SMYD3: variants seen among roughly 807,000 people sequenced by gnomAD.
The protein encoded by SMYD3 is histone-lysine N-methyltransferase SMYD3.
SMYD3 carries 36 observed loss-of-function variants against 57.7 expected under a neutral mutation model. That is an observed-to-expected ratio of 0.62 (90% confidence interval 0.48 to 0.82). The LOEUF is 0.82. Among genes scored for constraint, SMYD3 ranks in the 40% least tolerant of loss-of-function variants. SMYD3 has a pLI of 0.00. For synonymous variants in SMYD3, 211 were observed against 195.0 expected (o/e 1.08, Z -0.68); for missense variants, 515 against 538.8 (o/e 0.96, Z 0.44).
intron 8 of SMYD3, among the ~76,000 whole-genome samples, chr1:245,892,986 A>G (rs1297153102): frequency 1.3e-5 from 2 of 152,242 alleles, no homozygotes; most frequent in East Asian, 1.9e-4. Flanking sequence ...ATGTCCAACA[A>G]AAGACCTGTG....
intron 5 of SMYD3, among the ~76,000 whole-genome samples, chr1:246,283,607 A>C (rs533309849): frequency 6.6e-6 from 1 of 152,348 alleles, no homozygotes; most frequent in South Asian, 2.1e-4. Flanking sequence ...TAGAGGTCTC[A>C]AAATAACTCA....
At chr1:246,420,601 C>T (rs1395181740) in intron 1 of SMYD3, among the ~76,000 whole-genome samples, 1 of 152,160 alleles carries the variant, frequency 6.6e-6, no homozygotes, top group African/African-American at 2.4e-5. Context: ...AGAAGATAGT[C>T]TTATATTTGG....
intron 1 of SMYD3, among the ~76,000 whole-genome samples, chr1:246,475,187 C>G (rs949482541): frequency 6.6e-6 from 1 of 151,792 alleles, no homozygotes; most frequent in African/African-American, 2.4e-5. Context: ...AAAAAATTAG[C>G]CAGGCATGGT....
intron 4 of SMYD3, 86 bp from the exon 5 acceptor site, chr1:246,327,423 C>G (rs1299597238): frequency 1.8e-6 from 2 of 1,142,182 alleles, no homozygotes; most frequent in Admixed American, 4.9e-5. Flanking sequence ...GCTGTTAAAC[C>G]AGATATTTCC....
chr1:246,435,911 T>G (rs2067364987), intron 1 of SMYD3, among the ~76,000 whole-genome samples: 1 of 152,180 alleles, frequency 6.6e-6, no homozygotes, highest in South Asian at 2.1e-4. Context: ...TTTTGCTACA[T>G]TTCCCTGAAG....
chr1:246,376,603 A>AC (rs1266846055), intron 1 of SMYD3, among the ~76,000 whole-genome samples: 2 of 151,046 alleles, frequency 1.3e-5, no homozygotes, highest in African/African-American at 4.9e-5. Flanking sequence ...AAAAAAAAAA[A>AC]AAAAAAACTA....
In SMYD3 at chr1:245,926,273, C is replaced by T. The variant is rs569939794; in HGVS notation, c.702+1658G>A. On this transcript the variant is annotated intron_variant, in intron 7 of 11. Transcript: ENST00000490107. ...ATGTTTAAATCATAACAAACAGCCT[C>T]GAAGGGCATATAACATTAAGACAAA... 5.9e-5 allele frequency among the ~76,000 whole-genome samples: 9 copies of T among 152,264 alleles called. No individual in the cohort carries two copies. In the South Asian group the frequency reaches 1.2e-3, roughly 21 times the overall value.
chr1:246,334,141 G>A (rs1283905818), intron 3 of SMYD3, among the ~76,000 whole-genome samples: 1 of 152,054 alleles, frequency 6.6e-6, no homozygotes. Context: ...ATCTAGTTCA[G>A]CCACTGTGGA....
chr1:246,011,361 G>T (rs1036785208), intron 5 of SMYD3, among the ~76,000 whole-genome samples: 14 of 152,134 alleles, frequency 9.2e-5, no homozygotes, highest in African/African-American at 3.4e-4. Flanking sequence ...ATCATCAGCT[G>T]GTGTCAATCC....
intron 5 of SMYD3, among the ~76,000 whole-genome samples, chr1:246,188,060 T>C (rs1292049831): frequency 3.3e-5 from 5 of 152,166 alleles, no homozygotes; most frequent in African/African-American, 1.2e-4. Context: ...AATATCGATT[T>C]ATTAATTTAC....
intron 1 of SMYD3, among the ~76,000 whole-genome samples, chr1:246,451,876 G>A (rs2067638281): frequency 6.6e-6 from 1 of 152,052 alleles, no homozygotes; most frequent in African/African-American, 2.4e-5. Context: ...AATCTAACAA[G>A]TACATCAAAA....
chr1:246,095,313 A>G (rs1449893430), intron 5 of SMYD3, among the ~76,000 whole-genome samples: 1 of 152,220 alleles, frequency 6.6e-6, no homozygotes, highest in Non-Finnish European at 1.5e-5. Context: ...CTACTCAATC[A>G]TTAATTTAAC....
intron 5 of SMYD3, among the ~76,000 whole-genome samples, chr1:246,322,772 C>T (rs895306867): frequency 6.6e-6 from 1 of 152,192 alleles, no homozygotes; most frequent in Non-Finnish European, 1.5e-5. Context: ...TTGCTCTAGC[C>T]TCTCCATCCA....
intron 8 of SMYD3, among the ~76,000 whole-genome samples, chr1:245,882,052 A>C (rs1558454200): frequency 6.6e-6 from 1 of 152,330 alleles, no homozygotes; most frequent in South Asian, 2.1e-4. Flanking sequence ...TACCTTCTGA[A>C]AACATTCTCT....
chr1:246,403,498 C>T (rs1003608136), intron 1 of SMYD3, among the ~76,000 whole-genome samples: 1 of 152,178 alleles, frequency 6.6e-6, no homozygotes, highest in Non-Finnish European at 1.5e-5. Context: ...TCTTTACTCC[C>T]TGTTTTAAAC....
intron 5 of SMYD3, among the ~76,000 whole-genome samples, chr1:246,210,113 T>C (rs1291149256): frequency 6.6e-6 from 1 of 152,142 alleles, no homozygotes; most frequent in Non-Finnish European, 1.5e-5. Context: ...ACAGGACATA[T>C]TCCAGAGGTC....
intron 1 of SMYD3, among the ~76,000 whole-genome samples, chr1:246,493,177 G>T (rs1013397090): frequency 6.9e-6 from 1 of 145,160 alleles, no homozygotes; most frequent in African/African-American, 2.5e-5. Flanking sequence ...AGGAGGAGGT[G>T]GCCAGGCACA....
chr1:245,869,983 G>A (rs964242948), intron 8 of SMYD3, among the ~76,000 whole-genome samples: 5 of 152,142 alleles, frequency 3.3e-5, no homozygotes, highest in African/African-American at 7.2e-5. Context: ...GAACTGACAC[G>A]AATGGTTTCC....
At chr1:246,343,573 A>G (rs2065663904) in intron 2 of SMYD3, among the ~76,000 whole-genome samples, 1 of 152,216 alleles carries the variant, frequency 6.6e-6, no homozygotes, top group Admixed American at 6.5e-5. Flanking sequence ...CAAAGACTAT[A>G]CATTGGTAGA....
Sources: allele counts gnomAD v4.1 joint callset (sites outside exome capture counted in the v4.1 genomes callset), GRCh38; gene constraint gnomAD v4.1.1; transcripts MANE v1.5; gene names NCBI Gene and HGNC (gene_info 2026-07-23, HGNC 2026-07-21).